The following BMP2K variants were observed in gnomAD, a reference collection of about 807,000 sequenced individuals.
BMP2K encodes BMP2 inducible kinase, also known as BMP-2-inducible protein kinase.
BMP2K carries 74 observed loss-of-function variants against 116.0 expected under a neutral mutation model. That is an observed-to-expected ratio of 0.64 (90% CI 0.53 to 0.77). The LOEUF is 0.77. Ranked by LOEUF, BMP2K falls within the 30% of genes least tolerant of loss-of-function variation. The pLI is 0.00. For missense variants in BMP2K, 1,365 were observed against 1,403.6 expected (o/e 0.97, Z 0.44); for synonymous variants, 486 against 502.5 (o/e 0.97, Z 0.44).
rs961712934 is a variant in BMP2K at position 78,852,428 on chromosome 4, A to G, written c.883+1372A>G. Among the ~76,000 whole-genome samples the G allele has an allele frequency of 5.3e-5, 8 of 152,258 alleles. 1 individual carries two copies. In the South Asian group the frequency reaches 1.7e-3, roughly 32 times the overall value. On this transcript the variant is annotated intron_variant, in intron 7 of 15. Transcript: ENST00000502613. ...GAAAAAACATAAAAGCATTCAAGTC[A>G]ATCTGAAATTACAATATTCCTAGTA...
Position 78,776,514 on chromosome 4 carries a change from C to T in BMP2K, c.-30C>T. 8.8e-7 allele frequency: 1 copy of T among 1,134,504 alleles called. No homozygotes were observed. Among genetic ancestry groups the T allele is most frequent in the Non-Finnish European group, 1.1e-6 (1 of 923,056 alleles). The allele number at this position is 1,134,504 out of a possible 1,614,324, so 70.3% of individuals were successfully genotyped here. A position where few individuals can be genotyped will look rare whatever the true frequency, so the allele number is the denominator to read the frequency against. ...GGCCGGGGACTTGCCCTTGCACGCT[C>T]CCTGCGCCCTCCAGCTCGCCGGCGG... On this transcript the variant is annotated 5_prime_UTR_variant, in exon 1 of 16. Transcript: ENST00000502613.
At chr4:78,794,107 A>C (rs1008266322) in intron 1 of BMP2K, among the ~76,000 whole-genome samples, 19 of 152,180 alleles carry the variant, frequency 1.2e-4, no homozygotes, top group Non-Finnish European at 2.6e-4. Flanking sequence ...AAAAGTGAGA[A>C]ACTGCTGTAA....
intron 9 of BMP2K, among the ~76,000 whole-genome samples, chr4:78,865,103 C>A (rs184406525): frequency 8.5e-4 from 130 of 152,248 alleles, no homozygotes; most frequent in African/African-American, 3.1e-3. Flanking sequence ...TTTTGTTTAA[C>A]GTGCCCTAGG....
chr4:78,865,612 A>G lies in BMP2K; in HGVS notation c.1123A>G (p.Lys375Glu). Residue 375 changes from lysine (K) to glutamate (E), a missense_variant, in exon 10 of 16, where the codon AAG (lysine) becomes GAG (glutamate). Coordinates refer to ENST00000502613, the MANE Select transcript of BMP2K (RefSeq NM_198892.2). ...ETSIAPRQRPKANSATTATPS... is the reference protein window; with the variant it reads ...ETSIAPRQRPEANSATTATPS... ...CTCAATTGCACCAAGACAAAGACCA[A>G]AGGCCAACTCTGCTACTACTGCCAC... 1 of 1,614,136 alleles carries G rather than the reference A, an allele frequency of 6.2e-7. No homozygotes were observed. The highest frequency in any genetic ancestry group is 8.5e-7 in the Non-Finnish European group (1 of 1,179,996).
intron 15 of BMP2K, among the ~76,000 whole-genome samples, chr4:78,890,162 G>T (rs1294575024): frequency 9.9e-5 from 15 of 151,434 alleles, no homozygotes; most frequent in Admixed American, 9.9e-4. Context: ...GATTTAACAA[G>T]ATTTGAAATG....
intron 1 of BMP2K, among the ~76,000 whole-genome samples, chr4:78,799,863 A>G (rs941445202): frequency 3.3e-5 from 5 of 152,206 alleles, no homozygotes; most frequent in Non-Finnish European, 7.3e-5. Flanking sequence ...TCATTTACCC[A>G]GTGGTCTGGC....
At chr4:78,855,662 A>G (rs1731474749) in intron 7 of BMP2K, among the ~76,000 whole-genome samples, 1 of 152,184 alleles carries the variant, frequency 6.6e-6, no homozygotes, top group Admixed American at 6.6e-5. Flanking sequence ...AGGCATAATT[A>G]AATCAGTTGC....
chr4:78,883,047 C>A (rs1015201964), intron 14 of BMP2K, among the ~76,000 whole-genome samples: 1 of 151,964 alleles, frequency 6.6e-6, no homozygotes. Context: ...ATTTTAATTT[C>A]GTGATAATAT....
chr4:78,784,753 T>C (rs1727656652), intron 1 of BMP2K, among the ~76,000 whole-genome samples: 1 of 152,242 alleles, frequency 6.6e-6, no homozygotes, highest in Non-Finnish European at 1.5e-5. Context: ...AAATAGTGCC[T>C]TCTTGGACGC....
chr4:78,799,212 G>A (rs1728448695), intron 1 of BMP2K, among the ~76,000 whole-genome samples: 1 of 151,614 alleles, frequency 6.6e-6, no homozygotes, highest in Non-Finnish European at 1.5e-5. Context: ...AAAAAGTTCT[G>A]TTTGCTACAT....
At chr4:78,812,837 A>G (rs571193026) in intron 1 of BMP2K, among the ~76,000 whole-genome samples, 20 of 152,260 alleles carry the variant, frequency 1.3e-4, no homozygotes, top group Admixed American at 7.9e-4. Context: ...GTTGGAGACC[A>G]GCCTGGGCAA....
chr4:78,788,162 C>T (rs1031576074), intron 1 of BMP2K, among the ~76,000 whole-genome samples: 1 of 151,654 alleles, frequency 6.6e-6, no homozygotes, highest in Non-Finnish European at 1.5e-5. Context: ...GACTCTCTTC[C>T]GTTGAATGTT....
intron 2 of BMP2K, among the ~76,000 whole-genome samples, chr4:78,827,001 A>C (rs1214036421): frequency 3.3e-5 from 5 of 152,226 alleles, no homozygotes; most frequent in Non-Finnish European, 5.9e-5. Context: ...GAATGTTGCA[A>C]GAAAGCAAGT....
rs879901122 is a variant in BMP2K at position 78,845,192 on chromosome 4, C to A, written c.668+143C>A. 12 of 748,718 alleles carry A rather than the reference C, an allele frequency of 1.6e-5. No homozygotes were observed. In the Admixed American group the frequency reaches 3.7e-4, roughly 23 times the overall value. The allele number at this position is 748,718 out of a possible 1,614,324, so 46.4% of individuals were successfully genotyped here. Reference sequence around the variant, plus strand: ...TCTGTGCCATAGATGTTGATTAATTCATGTCTGATCTAGCTCAGTAGGAAA... The same window carrying A: ...TCTGTGCCATAGATGTTGATTAATTAATGTCTGATCTAGCTCAGTAGGAAA... On this transcript the variant is annotated intron_variant, in intron 5 of 15. Coordinates refer to ENST00000502613, the MANE Select transcript of BMP2K (RefSeq NM_198892.2).
In BMP2K at chr4:78,915,015, T is replaced by C. The variant is rs565012350; in HGVS notation, c.*2982T>C. 1 of 152,172 alleles carries C rather than the reference T, an allele frequency of 6.6e-6. No homozygotes were observed. Among genetic ancestry groups the C allele is most frequent in the African/African-American group, 2.4e-5 (1 of 41,548 alleles). 9.4% of individuals were successfully genotyped at this position (152,172 alleles called of 1,614,324 possible). ...GCTTTTTATGGCATTGAAGAATGTA[T>C]CTGCTAAGACACAAAAATTGCATGG... On this transcript the variant is annotated 3_prime_UTR_variant, in exon 16 of 16. Transcript: ENST00000502613.
At chr4:78,877,142 C>T (rs1053984778) in intron 13 of BMP2K, among the ~76,000 whole-genome samples, 4 of 151,920 alleles carry the variant, frequency 2.6e-5, no homozygotes, top group Admixed American at 6.6e-5. Flanking sequence ...CGTGAGTGAA[C>T]GTGAAGGCCT....
At chr4:78,783,613 C>G (rs1266571235) in intron 1 of BMP2K, among the ~76,000 whole-genome samples, 1 of 152,136 alleles carries the variant, frequency 6.6e-6, no homozygotes, top group East Asian at 1.9e-4. Context: ...CGAGACCAGC[C>G]TGGCCAACAG....
intron 1 of BMP2K, among the ~76,000 whole-genome samples, chr4:78,784,771 G>A (rs114589965): frequency 3.8e-4 from 58 of 152,202 alleles, no homozygotes; most frequent in African/African-American, 1.4e-3. Flanking sequence ...CGCATCTATC[G>A]GGGAAAAATA....
At position 78,915,895 on chromosome 4, in the gene BMP2K, G is replaced by T. The variant is rs1011942348; in HGVS notation, c.*3862G>T. ...TTTGTGATTGAAAAGTCATCTAATA[G>T]AAGCTGTATAGAAGCTACTTTTTAA... On this transcript the variant is annotated 3_prime_UTR_variant, in exon 16 of 16. Coordinates refer to ENST00000502613, the MANE Select transcript of BMP2K (RefSeq NM_198892.2). 6.6e-6 allele frequency: 1 copy of T among 151,854 alleles called. No homozygotes were observed. Among genetic ancestry groups the T allele is most frequent in the African/African-American group, 2.4e-5 (1 of 41,408 alleles). The allele number at this position is 151,854 out of a possible 1,614,324, so 9.4% of individuals were successfully genotyped here. A position where few individuals can be genotyped will look rare whatever the true frequency, so the allele number is the denominator to read the frequency against.
Sources: allele counts gnomAD v4.1 joint callset (sites outside exome capture counted in the v4.1 genomes callset), GRCh38; gene constraint gnomAD v4.1.1; transcripts MANE v1.5; gene names NCBI Gene and HGNC (gene_info 2026-07-23, HGNC 2026-07-21).